TXNRD1: variants seen among roughly 807,000 people sequenced by gnomAD.
The protein encoded by TXNRD1 is thioredoxin reductase 1, also known as thioredoxin reductase 1, cytoplasmic.
TXNRD1 carries 57 observed loss-of-function variants against 80.3 expected under a neutral mutation model. The ratio of observed to expected loss-of-function variants is 0.71; its 90% CI spans 0.57 to 0.89. The LOEUF (loss-of-function observed/expected upper bound fraction) is 0.89, where lower values mean the gene tolerates loss of function less well. TXNRD1 is among the 40% of genes least tolerant of loss of function. The probability of loss-of-function intolerance (pLI) is 0.00; values close to 1 mark genes in which losing one functional copy is unlikely to be tolerated. For synonymous variants in TXNRD1, 291 were observed against 285.2 expected, an observed-to-expected ratio of 1.02 and a Z score of -0.20; for missense variants, 730 against 803.0, an observed-to-expected ratio of 0.91 and a Z score of 1.10.
intron 10 of TXNRD1, among the ~76,000 whole-genome samples, chr12:104,323,181 GAA>G (rs2035603174): frequency 7.4e-6 from 1 of 134,624 alleles, no homozygotes; most frequent in Non-Finnish European, 1.6e-5. Flanking sequence ...AGAACAAAAT[GAA>G]AAGTCTCCCA....
At chr12:104,249,893 G>A (rs1432303015) in intron 1 of TXNRD1, among the ~76,000 whole-genome samples, 2 of 133,074 alleles carry the variant, frequency 1.5e-5, no homozygotes, top group African/African-American at 2.9e-5. Context: ...CCGAGATCGT[G>A]CCACTGTACT....
At chr12:104,327,315 A>AT (rs1289794829) in intron 12 of TXNRD1, among the ~76,000 whole-genome samples, 200 bp from the exon 13 acceptor site, 4 of 151,864 alleles carry the variant, frequency 2.6e-5, no homozygotes, top group Admixed American at 6.6e-5. Flanking sequence ...TATTTCTTTG[A>AT]TTTTCAGAAC....
At chr12:104,265,531 G>C in intron 3 of TXNRD1, 1 of 1,610,972 alleles carries the variant, frequency 6.2e-7, no homozygotes, top group Non-Finnish European at 8.5e-7. Flanking sequence ...CCCCCTGCGG[G>C]TGAAGAACTT....
At chr12:104,293,664 T>C (rs1394042434) in intron 4 of TXNRD1, among the ~76,000 whole-genome samples, 10 of 152,138 alleles carry the variant, frequency 6.6e-5, no homozygotes, top group African/African-American at 2.4e-4. Flanking sequence ...TTGTCCAGTG[T>C]AGGGACCAGC....
chr12:104,305,667 C>T (rs113249060), intron 4 of TXNRD1, among the ~76,000 whole-genome samples: 1,667 of 152,272 alleles, frequency 0.011, 32 homozygotes, highest in Middle Eastern at 0.044. Flanking sequence ...ATTTGATAAG[C>T]TGGGCAACAA....
At chr12:104,248,213 AAGTATATGCATATATGTGTG>A (rs1302246185) in intron 1 of TXNRD1, among the ~76,000 whole-genome samples, 42 of 152,216 alleles carry the variant, frequency 2.8e-4, no homozygotes, top group African/African-American at 9.4e-4. Flanking sequence ...TGAACATTTA[AAGTATATGCATATATGTGTG>A]TGAACATATA....
intron 3 of TXNRD1, among the ~76,000 whole-genome samples, chr12:104,260,640 T>A (rs1275044277): frequency 5.3e-5 from 8 of 152,206 alleles, no homozygotes; most frequent in Admixed American, 5.2e-4. Flanking sequence ...TATTCCTTCA[T>A]CAAGGAAGGC....
At chr12:104,292,638 ACCCACCTCGG>A (rs1232944207) in intron 4 of TXNRD1, among the ~76,000 whole-genome samples, 1 of 151,960 alleles carries the variant, frequency 6.6e-6, no homozygotes, top group African/African-American at 2.4e-5. Context: ...CAGGTGATCC[ACCCACCTCGG>A]CCTCCCAAAG....
At chr12:104,307,216 A>C (rs1035948947) in intron 4 of TXNRD1, among the ~76,000 whole-genome samples, 1 of 152,234 alleles carries the variant, frequency 6.6e-6, no homozygotes, top group Non-Finnish European at 1.5e-5. Flanking sequence ...GTTAAGAATC[A>C]AACTGCAAAT....
chr12:104,255,670 G>A (rs1391624124), intron 2 of TXNRD1, among the ~76,000 whole-genome samples: 3 of 152,114 alleles, frequency 2.0e-5, no homozygotes, highest in African/African-American at 7.2e-5. Flanking sequence ...ATGCATGCCT[G>A]TAATCCCAGC....
intron 7 of TXNRD1, among the ~76,000 whole-genome samples, chr12:104,318,271 A>G (rs545525775): frequency 1.3e-5 from 2 of 152,332 alleles, no homozygotes; most frequent in Non-Finnish European, 2.9e-5. Context: ...AGTTTGGAGG[A>G]AATGTGATAA....
intron 16 of TXNRD1, among the ~76,000 whole-genome samples, chr12:104,340,337 A>G (rs990461259): frequency 1.3e-5 from 2 of 152,204 alleles, no homozygotes; most frequent in Non-Finnish European, 2.9e-5. Context: ...TAATGACTCA[A>G]ACTGCCTGTG....
At chr12:104,323,414 C>G (rs1449207726) in intron 10 of TXNRD1, among the ~76,000 whole-genome samples, 1 of 146,062 alleles carries the variant, frequency 6.8e-6, no homozygotes, top group Non-Finnish European at 1.5e-5. Flanking sequence ...GCTGACCCCC[C>G]ACCTCCCTCC....
intron 11 of TXNRD1, among the ~76,000 whole-genome samples, chr12:104,326,003 G>T (rs2063616100): frequency 6.6e-6 from 1 of 152,050 alleles, no homozygotes; most frequent in Non-Finnish European, 1.5e-5. Context: ...TTTCTGTCCC[G>T]TGTTCTTTCC....
At chr12:104,257,569 G>T (rs991174679) in intron 2 of TXNRD1, among the ~76,000 whole-genome samples, 4 of 151,894 alleles carry the variant, frequency 2.6e-5, no homozygotes, top group African/African-American at 7.3e-5. Flanking sequence ...ACCACGCCCG[G>T]CTAATTTTTT....
intron 1 of TXNRD1, among the ~76,000 whole-genome samples, chr12:104,245,973 C>T (rs1348888134): frequency 1.3e-5 from 2 of 150,772 alleles, no homozygotes; most frequent in South Asian, 2.1e-4. Context: ...ATTAGCCAGG[C>T]GTGGTGGCGG....
intron 3 of TXNRD1, among the ~76,000 whole-genome samples, chr12:104,281,805 A>G (rs2033886019): frequency 6.6e-6 from 1 of 151,820 alleles, no homozygotes; most frequent in African/African-American, 2.4e-5. Context: ...TTCTCTTCAC[A>G]CTCTGGCATC....
Position 104,348,406 on chromosome 12 carries a change from T to C in TXNRD1, c.1935T>C (p.Ala645=). 1 of 1,614,036 alleles carries C rather than the reference T, an allele frequency of 6.2e-7. No homozygotes were observed. ...GCTCTGGGGCAAGCATCCTCCAGGC[T>C]GGCTGCTGAGGTTAAGCCCCAGTGT... The part of the protein sequence containing the change: ...TKRSGASILQ[A]GCUG Residue 645 remains alanine (A), a synonymous_variant, in exon 17 of 17, where the codon GCT becomes GCC. Coordinates refer to ENST00000525566, the MANE Select transcript of TXNRD1 (RefSeq NM_001093771.3).
chr12:104,287,216 AGT>A, intron 3 of TXNRD1: 2 of 1,609,914 alleles, frequency 1.2e-6, no homozygotes, highest in Non-Finnish European at 1.7e-6. Context: ...TGGGTGCAGC[AGT>A]GTGCGTCTCG....
Sources: allele counts gnomAD v4.1 joint callset (sites outside exome capture counted in the v4.1 genomes callset), GRCh38; gene constraint gnomAD v4.1.1; transcripts MANE v1.5; gene names NCBI Gene and HGNC (gene_info 2026-07-23, HGNC 2026-07-21).